The following DLG5 variants were observed in gnomAD, a reference collection of about 807,000 sequenced individuals.
DLG5 encodes disks large homolog 5.
Under a neutral mutation model 189.8 loss-of-function variants are expected in DLG5, and 48 were observed. The observed-to-expected ratio is 0.25, with a 90% confidence interval of 0.20 to 0.32. The LOEUF (loss-of-function observed/expected upper bound fraction) is 0.32, where lower values mean the gene tolerates loss of function less well. Among genes scored for constraint, DLG5 ranks in the 10% least tolerant of loss-of-function variants. The pLI, the probability that DLG5 is intolerant of heterozygous loss-of-function variation, is 1.00. For synonymous variants in DLG5, 1,016 were observed against 1,054.1 expected, an observed-to-expected ratio of 0.96 and a Z score of 0.70; for missense variants, 2,160 against 2,544.7, an observed-to-expected ratio of 0.85 and a Z score of 3.25.
At chr10:77,811,051 G>A in intron 23 of DLG5, 43 bp downstream of exon 23, 1 of 1,590,904 alleles carries the variant, frequency 6.3e-7, no homozygotes, top group Non-Finnish European at 8.5e-7. Context: ...GCCCCACCCA[G>A]CCGAAGCGGA....
At chr10:77,849,298 G>A (rs1424415217) in intron 5 of DLG5, among the ~76,000 whole-genome samples, 2 of 152,276 alleles carry the variant, frequency 1.3e-5, no homozygotes, top group African/African-American at 2.4e-5. Context: ...CAACAAAACT[G>A]CCCTTGTCCA....
chr10:77,792,328 T>A lies in DLG5; in HGVS notation c.*112A>T, dbSNP rs929753635. On this transcript the variant is annotated 3_prime_UTR_variant, in exon 32 of 32. Transcript: ENST00000372391. ...GCTTCTGGGTCCTGGTTCCGGATCC[T>A]TCCCCCGCATGTTCATAGACGGACA... 77 of 1,105,458 alleles carry A rather than the reference T, an allele frequency of 7.0e-5. 1 individual carries two copies. The Admixed American group carries it at 1.3e-3, about 18-fold the overall frequency. 68.5% of individuals were successfully genotyped at this position (1,105,458 alleles called of 1,614,324 possible). A position where few individuals can be genotyped will look rare whatever the true frequency, so the allele number is the denominator to read the frequency against.
At chr10:77,917,746 G>A (rs1476560303) in intron 1 of DLG5, among the ~76,000 whole-genome samples, 1 of 152,202 alleles carries the variant, frequency 6.6e-6, no homozygotes, top group Non-Finnish European at 1.5e-5. Flanking sequence ...CTTAATGCTG[G>A]CTGGGCGCAG....
chr10:77,828,974 T>C lies in DLG5; in HGVS notation c.2197A>G (p.Ser733Gly), dbSNP rs1374835122. The C allele has an allele frequency of 1.2e-6, 2 of 1,613,858 alleles. No individual in the cohort carries two copies. Among genetic ancestry groups the C allele is most frequent in the South Asian group, 1.1e-5 (1 of 91,038 alleles). Residue 733 changes from serine (S) to glycine (G), a missense_variant, in exon 13 of 32, where the codon AGT becomes GGT. Around this residue, in one of 5 missense-constraint regions of DLG5, gnomAD observed 107 missense variants for 214.5 expected, o/e 0.50. Coordinates refer to ENST00000372391, the MANE Select transcript of DLG5 (RefSeq NM_004747.4). ...GCAGCATACACTCCATTCTCCAGAC[T>C]GATGCCACTGTCTGCAAGCCACAGG... ...NLSGQKDSGI[S>G]LENGVYAAAV...
At chr10:77,820,124 T>A in intron 15 of DLG5, 106 bp from the exon 16 acceptor site, 1 of 1,487,826 alleles carries the variant, frequency 6.7e-7, no homozygotes, top group Non-Finnish European at 9.0e-7. Context: ...GGCGGGCAGA[T>A]CACCTAAGGT....
chr10:77,883,862 T>C (rs1244877234), intron 1 of DLG5, among the ~76,000 whole-genome samples: 1 of 152,068 alleles, frequency 6.6e-6, no homozygotes, highest in Non-Finnish European at 1.5e-5. Flanking sequence ...AGAAGTTGGC[T>C]AATTTTTTGT....
intron 21 of DLG5, 30 bp from the exon 22 acceptor site, chr10:77,812,087 G>C (rs778490113): frequency 6.2e-7 from 1 of 1,606,198 alleles, no homozygotes; most frequent in Non-Finnish European, 8.5e-7. Flanking sequence ...GGCTCAGTGG[G>C]GGGGTCGGGG....
At chr10:77,921,395 A>G (rs886558023) in intron 1 of DLG5, among the ~76,000 whole-genome samples, 4 of 152,164 alleles carry the variant, frequency 2.6e-5, no homozygotes, top group Non-Finnish European at 4.4e-5. Flanking sequence ...ATCAGCACCC[A>G]TCTGCATTAG....
intron 3 of DLG5, 90 bp from the exon 4 acceptor site, chr10:77,854,460 G>T: frequency 1.3e-6 from 2 of 1,543,184 alleles, no homozygotes; most frequent in South Asian, 2.4e-5. Context: ...CAGCCCAGTG[G>T]TTCCCCAGTA....
rs1337689637 is a variant in DLG5 at position 77,796,625 on chromosome 10, C to T, written c.5165-31G>A. ...GGAGAGAGAGCAGCAGCGTCACGGA[C>T]CCAGCTTGGAGTGGAGGACCTGAGT... is the stretch of plus-strand genomic sequence containing the variant. On this transcript the variant is annotated intron_variant, in intron 27 of 31. Coordinates refer to ENST00000372391, the MANE Select transcript of DLG5 (RefSeq NM_004747.4). The surrounding 1 kb of genome is among the most constrained non-coding windows in gnomAD (Gnocchi z 5.2). The T allele has an allele frequency of 1.2e-6, 2 of 1,612,404 alleles. No individual in the cohort carries two copies. Among genetic ancestry groups the T allele is most frequent in the African/African-American group, 1.3e-5 (1 of 74,904 alleles).
At chr10:77,837,207 T>A (rs1843182648) in intron 7 of DLG5, among the ~76,000 whole-genome samples, 1 of 91,630 alleles carries the variant, frequency 1.1e-5, no homozygotes, top group Non-Finnish European at 1.9e-5. Context: ...AGAGGGAGAC[T>A]CGGTCTCAAA....
At position 77,917,477 on chromosome 10, in the gene DLG5, G is replaced by A. The variant is rs142622851; in HGVS notation, c.304+8740C>T. Among the ~76,000 whole-genome samples, 83 of 149,206 alleles carry A rather than the reference G, an allele frequency of 5.6e-4. 4 individuals carry two copies. The highest frequency in any genetic ancestry group is 4.0e-3 in the East Asian group (20 of 5,054). On this transcript the variant is annotated intron_variant, in intron 1 of 31. Coordinates refer to ENST00000372391, the MANE Select transcript of DLG5 (RefSeq NM_004747.4). ...GCTGCAGTGAGCCATGAGTACCACC[G>A]CACTCCATGCATTCCAGCCTGAGCA...
In DLG5 at chr10:77,856,769, C is replaced by A; in HGVS notation, c.497G>T (p.Arg166Leu). Residue 166 changes from arginine (R) to leucine (L), a missense_variant, in exon 3 of 32, where the codon CGC becomes CTC. Coordinates refer to ENST00000372391, the MANE Select transcript of DLG5 (RefSeq NM_004747.4). ...MTRERNELRK[R>L]LAFATHGTAF... ...CGTGCCATGCGTAGCAAAGGCCAGG[C>A]GCTTGCGGAGCTCGTTTCTCTCCCG... is the stretch of plus-strand genomic sequence containing the variant. 1.2e-6 allele frequency: 2 copies of A among 1,613,546 alleles called. No homozygotes were observed. The highest frequency in any genetic ancestry group is 1.7e-6 in the Non-Finnish European group (2 of 1,180,014).
chr10:77,792,734 A>G lies in DLG5; in HGVS notation c.5657-191T>C. 3 of 609,514 alleles carry G rather than the reference A, an allele frequency of 4.9e-6. No individual in the cohort carries two copies. In the South Asian group the frequency reaches 5.9e-5, roughly 12 times the overall value. 37.8% of individuals were successfully genotyped at this position (609,514 alleles called of 1,614,324 possible). A position where few individuals can be genotyped will look rare whatever the true frequency, so the allele number is the denominator to read the frequency against. On this transcript the variant is annotated intron_variant, in intron 31 of 31. Transcript: ENST00000372391. ...AAAGAAAATTGCCCCTCTTGAGTTGATCACTCATATGTAAACTGCCCACCC... is the reference window on the plus strand; with the variant it reads ...AAAGAAAATTGCCCCTCTTGAGTTGGTCACTCATATGTAAACTGCCCACCC...
chr10:77,846,061 A>G (rs970627622), intron 5 of DLG5, among the ~76,000 whole-genome samples: 1 of 151,978 alleles, frequency 6.6e-6, no homozygotes, highest in African/African-American at 2.4e-5. Context: ...CCTGACCAAC[A>G]TGGTGAAACC....
the DLG5 span, among the ~76,000 whole-genome samples, chr10:77,937,857 A>G: frequency 6.9e-6 from 1 of 145,136 alleles, no homozygotes; most frequent in African/African-American, 2.6e-5. Context: ...AGCTGGGATT[A>G]CAGGTGCACT....
intron 6 of DLG5, among the ~76,000 whole-genome samples, chr10:77,842,805 C>G (rs1363532956): frequency 6.6e-6 from 1 of 152,232 alleles, no homozygotes; most frequent in Non-Finnish European, 1.5e-5. Context: ...TCTTGGCCCC[C>G]TCTTGGAGAG....
Position 77,806,888 on chromosome 10 carries a change from T to A in DLG5, c.4837A>T (p.Ser1613Cys), listed in dbSNP as rs1391397289. 1.9e-6 allele frequency: 3 copies of A among 1,613,678 alleles called. No homozygotes were observed. Among genetic ancestry groups the A allele is most frequent in the Non-Finnish European group, 2.5e-6 (3 of 1,179,782 alleles). The change falls in exon 26 of 32, where the codon AGC becomes TGC. Residue 1613 changes from serine (S) to cysteine (C), a missense_variant. Physicochemically the swap from Ser to Cys is moderately radical, Grantham distance 112. Around this residue, in one of 5 missense-constraint regions of DLG5, gnomAD observed 574 missense variants for 644.2 expected, o/e 0.89. Coordinates refer to ENST00000372391, the MANE Select transcript of DLG5 (RefSeq NM_004747.4). ...TAGAGGATGTCGTCCTTCTTAAAGC[T>A]CAACTCTTGCTCCACATCTGCCAGC... ...DRLADVEQEL[S>C]FKKDDILYVD... is the part of the protein sequence containing the mutation.
At chr10:77,931,861 C>G in the DLG5 span, among the ~76,000 whole-genome samples, 90 of 152,278 alleles carry the variant, frequency 5.9e-4, 1 homozygote, top group African/African-American at 2.2e-3. Context: ...CTTCCCGGAG[C>G]CTCAATTTCT....
Sources: allele counts gnomAD v4.1 joint callset (sites outside exome capture counted in the v4.1 genomes callset), GRCh38; gene constraint gnomAD v4.1.1; regional missense constraint gnomAD v4.1.1; non-coding constraint Gnocchi (gnomAD v3.1); transcripts MANE v1.5; gene names NCBI Gene and HGNC (gene_info 2026-07-23, HGNC 2026-07-21).